The following MYO9B variants were observed in gnomAD, a reference collection of about 807,000 sequenced individuals.
MYO9B encodes unconventional myosin-IXb.
In MYO9B, 71 loss-of-function variants were observed where a neutral mutation model predicts 229.5. That is an observed-to-expected ratio of 0.31 (90% CI 0.26 to 0.38). The LOEUF (loss-of-function observed/expected upper bound fraction) is 0.38. Among genes scored for constraint, MYO9B ranks in the 10% least tolerant of loss-of-function variants. The pLI is 1.00. For missense variants in MYO9B, 2,255 were observed against 2,920.5 expected, an observed-to-expected ratio of 0.77 and a Z score of 5.25; for synonymous variants, 1,185 against 1,235.8, an observed-to-expected ratio of 0.96 and a Z score of 0.86.
intron 2 of MYO9B, among the ~76,000 whole-genome samples, chr19:17,131,410 A>G (rs183663919): frequency 3.7e-4 from 56 of 152,302 alleles, no homozygotes; most frequent in Non-Finnish European, 1.2e-4. Context: ...CTGGGACTAC[A>G]GGCGCACGCC....
chr19:17,149,157 C>T (rs561862111), intron 3 of MYO9B, among the ~76,000 whole-genome samples: 1 of 151,640 alleles, frequency 6.6e-6, no homozygotes, highest in Non-Finnish European at 1.5e-5. Context: ...TATTTTTATT[C>T]TGTAGAGACG....
chr19:17,138,927 T>C (rs1191879523), intron 2 of MYO9B, among the ~76,000 whole-genome samples: 1 of 152,108 alleles, frequency 6.6e-6, no homozygotes, highest in African/African-American at 2.4e-5. Flanking sequence ...ATCTCAGCAC[T>C]TTGGGAGGCC....
chr19:17,109,919 G>A (rs1170380931), intron 2 of MYO9B, among the ~76,000 whole-genome samples: 5 of 152,060 alleles, frequency 3.3e-5, no homozygotes. Flanking sequence ...TGTCTTTTTT[G>A]GGAAGCCACA....
chr19:17,122,956 G>T (rs773802614), intron 2 of MYO9B, among the ~76,000 whole-genome samples: 1 of 152,060 alleles, frequency 6.6e-6, no homozygotes, highest in Non-Finnish European at 1.5e-5. Context: ...TTAAACAGGC[G>T]TGGTGGTGCA....
At chr19:17,210,192 G>C (rs1179707546) in intron 36 of MYO9B, 141 bp from the exon 37 acceptor site, 1 of 775,300 alleles carries the variant, frequency 1.3e-6, no homozygotes, top group Non-Finnish European at 2.0e-6. Context: ...CAGTGCAGGG[G>C]TGTGTTAGTG....
Position 17,185,922 on chromosome 19 carries a change from C to A in MYO9B, c.2498C>A (p.Thr833Lys). ...AATGCTTTCTCTTTCCCTTAACAGA[C>A]ATCCCTTAACAAGCTCTTGGAGGCA... Reference protein sequence around the residue: ...KPPSISAQFQTSLNKLLEALG... With the variant: ...KPPSISAQFQKSLNKLLEALG... The change falls in exon 18 of 40, where the codon ACA (threonine) becomes AAA (lysine). Residue 833 changes from threonine (T) to lysine (K), a missense_variant and splice_region_variant. Transcript: ENST00000682292. 6.2e-7 allele frequency: 1 copy of A among 1,613,434 alleles called. No individual in the cohort carries two copies. Among genetic ancestry groups the A allele is most frequent in the Non-Finnish European group, 8.5e-7 (1 of 1,179,366 alleles).
At chr19:17,165,429 G>A (rs998020052) in intron 10 of MYO9B, among the ~76,000 whole-genome samples, 2 of 151,512 alleles carry the variant, frequency 1.3e-5, no homozygotes, top group African/African-American at 4.9e-5. Flanking sequence ...AAAATTTGAG[G>A]CTGGGCATGG....
At chr19:17,169,687 G>A (rs2072699868) in intron 11 of MYO9B, among the ~76,000 whole-genome samples, 1 of 151,808 alleles carries the variant, frequency 6.6e-6, no homozygotes, top group African/African-American at 2.4e-5. Flanking sequence ...AGCTTCTAGG[G>A]GTCCAAGCTT....
intron 2 of MYO9B, among the ~76,000 whole-genome samples, chr19:17,121,707 A>G (rs2057967142): frequency 6.6e-6 from 1 of 152,152 alleles, no homozygotes; most frequent in Non-Finnish European, 1.5e-5. Flanking sequence ...AAGTACTGGA[A>G]GGGCGCGGTG....
chr19:17,122,365 C>T (rs2057973943), intron 2 of MYO9B, among the ~76,000 whole-genome samples: 1 of 152,256 alleles, frequency 6.6e-6, no homozygotes, highest in South Asian at 2.1e-4. Context: ...ATGGTGAAAC[C>T]TCGTCTCTAC....
chr19:17,157,129 G>GAGGTTTCTGAGTAGGTCAGAAACT, intron 7 of MYO9B, 91 bp downstream of exon 7: 1 of 1,452,010 alleles, frequency 6.9e-7, no homozygotes, highest in Non-Finnish European at 9.2e-7. Flanking sequence ...AACTTCCTAC[G>GAGGTTTCTGAGTAGGTCAGAAACT]TCAGCTGAGG....
At chr19:17,192,283 C>CAAAAAAAAAAAAAAAAAGGGGGGGCCACA (rs2072993794) in intron 20 of MYO9B, among the ~76,000 whole-genome samples, 1 of 124,390 alleles carries the variant, frequency 8.0e-6, no homozygotes, top group Non-Finnish European at 1.9e-5. Context: ...GACTCCATCT[C>CAAAAAAAAAAAAAAAAAGGGGGGGCCACA]AAAAAAAAAA....
chr19:17,162,043 T>C lies in MYO9B; in HGVS notation c.1420-307T>C, dbSNP rs2072608924. 4.6e-5 allele frequency among the ~76,000 whole-genome samples: 7 copies of C among 150,938 alleles called. No homozygotes were observed. In the South Asian group the frequency reaches 1.3e-3, roughly 27 times the overall value. On this transcript the variant is annotated intron_variant, in intron 8 of 39. Transcript: ENST00000682292. ...CATCTTGGCCAGACACAGTGGCTTATGCCTGTAATCCCAGGACTTTGGGAG... is the reference window on the plus strand; with the variant it reads ...CATCTTGGCCAGACACAGTGGCTTACGCCTGTAATCCCAGGACTTTGGGAG...
chr19:17,208,803 C>A (rs2073192061), intron 35 of MYO9B, among the ~76,000 whole-genome samples: 1 of 152,152 alleles, frequency 6.6e-6, no homozygotes, highest in Admixed American at 6.6e-5. Context: ...AGCAGCAGCC[C>A]CTGCAGGTCG....
At chr19:17,112,098 C>G (rs1327846206) in intron 2 of MYO9B, among the ~76,000 whole-genome samples, 10 of 152,166 alleles carry the variant, frequency 6.6e-5, no homozygotes, top group Non-Finnish European at 1.5e-4. Flanking sequence ...TCCTGGACCC[C>G]TGCCCCAGCC....
At chr19:17,082,829 G>A (rs2057545511) in intron 1 of MYO9B, among the ~76,000 whole-genome samples, 1 of 152,086 alleles carries the variant, frequency 6.6e-6, no homozygotes, top group African/African-American at 2.4e-5. Context: ...ATTTAGCAGG[G>A]AAGGGAGAAG....
intron 3 of MYO9B, among the ~76,000 whole-genome samples, chr19:17,145,977 G>A (rs2072404288): frequency 6.6e-6 from 1 of 150,804 alleles, no homozygotes; most frequent in South Asian, 2.1e-4. Flanking sequence ...ATGGATGGAT[G>A]GATGGTTAGA....
intron 1 of MYO9B, among the ~76,000 whole-genome samples, chr19:17,083,580 G>C (rs1264138537): frequency 6.6e-6 from 1 of 151,846 alleles, no homozygotes; most frequent in East Asian, 1.9e-4. Context: ...TCCGGGTTCT[G>C]TTGACTCCTA....
At chr19:17,081,173 G>A (rs1346193350) in intron 1 of MYO9B, among the ~76,000 whole-genome samples, 5 of 152,134 alleles carry the variant, frequency 3.3e-5, no homozygotes, top group Non-Finnish European at 2.9e-5. Flanking sequence ...GACTACAGGC[G>A]TGCGCCACCA....
Sources: allele counts gnomAD v4.1 joint callset (sites outside exome capture counted in the v4.1 genomes callset), GRCh38; gene constraint gnomAD v4.1.1; transcripts MANE v1.5; gene names NCBI Gene and HGNC (gene_info 2026-07-23, HGNC 2026-07-21).